Variants in CHD1 observed in about 807,000 individuals in gnomAD.
The protein encoded by CHD1 is ATP-dependent chromatin remodeler CHD1.
CHD1 carries 36 observed loss-of-function variants against 224.2 expected under a neutral mutation model. The ratio of observed to expected loss-of-function variants is 0.16; its 90% CI spans 0.12 to 0.21. CHD1 has a LOEUF of 0.21. Among genes scored for constraint, CHD1 ranks in the 10% least tolerant of loss-of-function variants. The pLI, the probability that CHD1 is intolerant of heterozygous loss-of-function variation, is 1.00. For synonymous variants in CHD1, 668 were observed against 658.3 expected, an observed-to-expected ratio of 1.01 and a Z score of -0.23; for missense variants, 1,378 against 1,994.8, an observed-to-expected ratio of 0.69 and a Z score of 5.89.
At position 98,897,149 on chromosome 5, in the gene CHD1, T is replaced by C; in HGVS notation, c.1493+44A>G. On this transcript the variant is annotated intron_variant, in intron 11 of 35. Coordinates refer to ENST00000614616, the MANE Select transcript of CHD1 (RefSeq NM_001270.4). ...CTTTTCTGAATCCTGTATTGGTAAA[T>C]TCTTACTCTGTCAAATTAAATAGAT... 3 of 1,582,038 alleles carry C rather than the reference T, an allele frequency of 1.9e-6. No individual in the cohort carries two copies. The South Asian group carries it at 3.4e-5, about 18-fold the overall frequency.
chr5:98,888,081 T>C lies in CHD1; in HGVS notation c.2496+7A>G. The stretch of plus-strand genomic sequence containing the variant: ...ATTTAAAACAACAAATACAATTAAA[T>C]GCTTACTTGAAAGGGGAATTGACGA... On this transcript the variant is annotated splice_region_variant and intron_variant, in intron 17 of 35. Coordinates refer to ENST00000614616, the MANE Select transcript of CHD1 (RefSeq NM_001270.4). 1 of 1,543,060 alleles carries C rather than the reference T, an allele frequency of 6.5e-7. No individual in the cohort carries two copies. The highest frequency in any genetic ancestry group is 8.8e-7 in the Non-Finnish European group (1 of 1,130,744).
intron 34 of CHD1, 110 bp downstream of exon 34, chr5:98,858,854 T>TTA: frequency 1.7e-6 from 1 of 599,102 alleles, no homozygotes; most frequent in Non-Finnish European, 2.7e-6. Flanking sequence ...ATAAAGGTAC[T>TTA]TATAAATAAA....
intron 9 of CHD1, 91 bp downstream of exon 9, chr5:98,898,573 T>C: frequency 8.3e-7 from 1 of 1,205,894 alleles, no homozygotes; most frequent in East Asian, 2.4e-5. Context: ...AGCAAGCTAC[T>C]GTGTTTGATA....
At chr5:98,875,037 T>G in intron 25 of CHD1, 35 bp downstream of exon 25, 2 of 1,078,290 alleles carry the variant, frequency 1.9e-6, no homozygotes, top group South Asian at 2.7e-5. Flanking sequence ...ATGTAACACA[T>G]TCCATTATTC....
rs2112698942 is a variant in CHD1, at chr5:98,928,548, TG to T, written c.-159del. 1 of 151,834 alleles carries T rather than the reference TG, an allele frequency of 6.6e-6. No homozygotes were observed. Among genetic ancestry groups the T allele is most frequent in the East Asian group, 2.0e-4 (1 of 5,080 alleles). 9.4% of individuals were successfully genotyped at this position (151,834 alleles called of 1,614,324 possible). ...CCGCCCCCTTTCTTACCGGCGGGCT[TG>T]GCGGGGCGGAGGGAGCCGACTCGGG... On this transcript the variant is annotated 5_prime_UTR_variant, in exon 1 of 36. Coordinates refer to ENST00000614616, the MANE Select transcript of CHD1 (RefSeq NM_001270.4).
intron 2 of CHD1, among the ~76,000 whole-genome samples, chr5:98,923,044 T>G (rs1441125843): frequency 1.3e-5 from 2 of 151,938 alleles, no homozygotes; most frequent in Non-Finnish European, 2.9e-5. Context: ...GAAACTTTAG[T>G]TTTTTTTGCA....
intron 34 of CHD1, chr5:98,858,742 A>G (rs1031899403): frequency 2.1e-5 from 9 of 434,744 alleles, no homozygotes; most frequent in Admixed American, 1.6e-4. Context: ...AACTGAGAAA[A>G]GGATGATTAA....
At chr5:98,867,209 T>C (rs1748941096) in intron 31 of CHD1, among the ~76,000 whole-genome samples, 1 of 152,190 alleles carries the variant, frequency 6.6e-6, no homozygotes, top group South Asian at 2.1e-4. Context: ...TTATCTTCAG[T>C]AAATAAGGTC....
In CHD1 at chr5:98,889,116, G is replaced by A. The variant is rs765418408; in HGVS notation, c.2303C>T (p.Pro768Leu). The change falls in exon 16 of 36, where the codon CCA becomes CTA. Residue 768 changes from proline to leucine, a missense_variant. Coordinates refer to ENST00000614616, the MANE Select transcript of CHD1 (RefSeq NM_001270.4). ...TTTATTATAGAATTCATTATTATCT[G>A]GTGGTTTAATGAGGTAGCAATGGTT... ...CCNHCYLIKP[P>L]DNNEFYNKQE... The A allele has an allele frequency of 1.3e-6, 2 of 1,598,232 alleles. No individual in the cohort carries two copies. The highest frequency in any genetic ancestry group is 1.7e-5 in the Admixed American group (1 of 59,626).
intron 2 of CHD1, among the ~76,000 whole-genome samples, chr5:98,907,125 C>T (rs1343324668): frequency 1.3e-5 from 2 of 152,172 alleles, no homozygotes; most frequent in African/African-American, 4.8e-5. Flanking sequence ...ATACAGAAAT[C>T]TTTCCTTTCA....
intron 35 of CHD1, among the ~76,000 whole-genome samples, chr5:98,857,188 T>C (rs576502307): frequency 2.0e-5 from 3 of 152,268 alleles, no homozygotes; most frequent in Admixed American, 2.0e-4. Flanking sequence ...TATTAAAAGC[T>C]TCCTCAAGTT....
At chr5:98,896,481 T>C in intron 11 of CHD1, 39 bp from the exon 12 acceptor site, 2 of 1,422,798 alleles carry the variant, frequency 1.4e-6, no homozygotes, top group Non-Finnish European at 2.0e-6. Context: ...AAGGAAATAT[T>C]CAAATATACA....
intron 20 of CHD1, 122 bp downstream of exon 20, chr5:98,881,850 GTCT>G: frequency 1.2e-6 from 1 of 816,254 alleles, no homozygotes; most frequent in Non-Finnish European, 1.8e-6. Context: ...TTAGTCCAAA[GTCT>G]TCCAAAATAT....
At chr5:98,856,770 A>G in intron 35 of CHD1, 45 bp from the exon 36 acceptor site, 1 of 1,189,592 alleles carries the variant, frequency 8.4e-7, no homozygotes, top group South Asian at 1.5e-5. Context: ...ATGCAAATTA[A>G]AATGTTTCCA....
At chr5:98,863,643 A>G in intron 31 of CHD1, 57 bp from the exon 32 acceptor site, 1 of 1,163,598 alleles carries the variant, frequency 8.6e-7, no homozygotes, top group Non-Finnish European at 1.2e-6. Context: ...AAATTCAACA[A>G]GGTCTACCTC....
intron 2 of CHD1, among the ~76,000 whole-genome samples, chr5:98,906,027 GTCCTCT>G (rs1752028316): frequency 2.0e-5 from 3 of 152,148 alleles, no homozygotes; most frequent in Admixed American, 2.0e-4. Flanking sequence ...CAAGTTTCCT[GTCCTCT>G]TCTGTAATTT....
At chr5:98,893,720 T>C (rs1751168722) in intron 13 of CHD1, 114 bp from the exon 14 acceptor site, 3 of 681,640 alleles carry the variant, frequency 4.4e-6, no homozygotes, top group Non-Finnish European at 2.4e-6. Context: ...ACAAACTTTG[T>C]CTAATTTTCA....
chr5:98,879,771 T>A (rs887541167), intron 22 of CHD1, 43 bp from the exon 23 acceptor site: 1 of 1,423,886 alleles, frequency 7.0e-7, no homozygotes, highest in Non-Finnish European at 9.5e-7. Context: ...TACAGAAAAA[T>A]TGATCCCTAA....
At chr5:98,875,394 A>T (rs1016335369) in intron 24 of CHD1, among the ~76,000 whole-genome samples, 10 of 152,192 alleles carry the variant, frequency 6.6e-5, no homozygotes, top group African/African-American at 2.4e-4. Context: ...CATTATTTTC[A>T]TAAGACCAAA....
Sources: allele counts gnomAD v4.1 joint callset (sites outside exome capture counted in the v4.1 genomes callset), GRCh38; gene constraint gnomAD v4.1.1; transcripts MANE v1.5; gene names NCBI Gene and HGNC (gene_info 2026-07-23, HGNC 2026-07-21).